The following CDKAL1 variants were observed in gnomAD, a reference collection of about 807,000 sequenced individuals.
CDKAL1 encodes the protein CDKAL1 threonylcarbamoyladenosine tRNA methylthiotransferase, also known as threonylcarbamoyladenosine tRNA methylthiotransferase.
A neutral mutation model predicts 68.2 loss-of-function variants in CDKAL1; 32 were observed. The observed-to-expected ratio is 0.47, with a 90% CI of 0.35 to 0.63. The LOEUF is 0.63. CDKAL1 is among the 30% of genes least tolerant of loss of function. CDKAL1 has a pLI of 0.00. For missense variants in CDKAL1, 606 were observed against 696.7 expected (o/e 0.87, Z 1.47); for synonymous variants, 234 against 244.3 (o/e 0.96, Z 0.39).
At chr6:20,786,296 A>T (rs974466759) in intron 8 of CDKAL1, among the ~76,000 whole-genome samples, 1 of 152,166 alleles carries the variant, frequency 6.6e-6, no homozygotes, top group Admixed American at 6.6e-5. Context: ...TGAAAATTTC[A>T]GATTGTATAA....
At chr6:20,986,293 C>G (rs1056030437) in intron 10 of CDKAL1, among the ~76,000 whole-genome samples, 5 of 152,114 alleles carry the variant, frequency 3.3e-5, no homozygotes, top group African/African-American at 1.2e-4. Flanking sequence ...CTCAAACTCA[C>G]TAGATAGTAT....
At chr6:21,168,080 G>T (rs1457423019) in intron 13 of CDKAL1, among the ~76,000 whole-genome samples, 2 of 152,246 alleles carry the variant, frequency 1.3e-5, no homozygotes, top group Non-Finnish European at 2.9e-5. Context: ...GTCAAAGACT[G>T]CAGTTGACCA....
At chr6:20,706,015 T>G (rs994460594) in intron 5 of CDKAL1, among the ~76,000 whole-genome samples, 1 of 152,066 alleles carries the variant, frequency 6.6e-6, no homozygotes, top group African/African-American at 2.4e-5. Flanking sequence ...ATGGGTGCTG[T>G]GCTTATGATT....
chr6:20,655,105 A>G (rs1042997098), intron 5 of CDKAL1, among the ~76,000 whole-genome samples: 4 of 152,216 alleles, frequency 2.6e-5, no homozygotes, highest in Middle Eastern at 3.2e-3. Flanking sequence ...TTTTCTCCCA[A>G]TGTAGATATT....
chr6:20,824,857 G>A (rs1221040532), intron 8 of CDKAL1, among the ~76,000 whole-genome samples: 1 of 152,124 alleles, frequency 6.6e-6, no homozygotes, highest in Admixed American at 6.6e-5. Flanking sequence ...AGAGCTATCT[G>A]TATAGAAGTG....
chr6:20,606,616 G>A (rs1040711849), intron 4 of CDKAL1, among the ~76,000 whole-genome samples: 5 of 152,178 alleles, frequency 3.3e-5, no homozygotes, highest in African/African-American at 1.2e-4. Context: ...CTTGTTTTAA[G>A]GATATGTTTC....
chr6:20,850,725 T>G (rs185278805), intron 9 of CDKAL1, among the ~76,000 whole-genome samples: 1 of 152,240 alleles, frequency 6.6e-6, no homozygotes, highest in Non-Finnish European at 1.5e-5. Context: ...GGTGTGATTA[T>G]GAGACATTTT....
At chr6:20,786,064 T>TA (rs1775658020) in intron 8 of CDKAL1, among the ~76,000 whole-genome samples, 1 of 151,914 alleles carries the variant, frequency 6.6e-6, no homozygotes, top group South Asian at 2.1e-4. Flanking sequence ...CTACTAAAAA[T>TA]ACAAAAATTA....
chr6:21,193,280 G>A (rs1334601074), intron 13 of CDKAL1, among the ~76,000 whole-genome samples: 1 of 152,140 alleles, frequency 6.6e-6, no homozygotes. Flanking sequence ...GCAGAGGGCT[G>A]TAAGCATACA....
rs140561081 is a variant in CDKAL1 at position 21,163,407 on chromosome 6, C to T, written c.1300-34614C>T. 3.2e-3 allele frequency among the ~76,000 whole-genome samples: 491 copies of T among 152,260 alleles called. 1 individual carries two copies. Among genetic ancestry groups the T allele is most frequent in the African/African-American group, 0.011 (465 of 41,552 alleles). On this transcript the variant is annotated intron_variant, in intron 13 of 15. Coordinates refer to ENST00000274695, the MANE Select transcript of CDKAL1 (RefSeq NM_017774.3). ...CAAAACAAACACCCGCTTGGGGCCA[C>T]CGGCAGAACCCACCGTGGTTTGGGA...
intron 4 of CDKAL1, among the ~76,000 whole-genome samples, chr6:20,553,730 C>T (rs930462680): frequency 1.3e-5 from 2 of 152,182 alleles, no homozygotes; most frequent in African/African-American, 4.8e-5. Flanking sequence ...CCTGCCTCGG[C>T]CTCCGGAGTA....
intron 10 of CDKAL1, among the ~76,000 whole-genome samples, chr6:20,989,637 G>A (rs1581975973): frequency 6.6e-6 from 1 of 152,148 alleles, no homozygotes; most frequent in South Asian, 2.1e-4. Context: ...CTATTGATTC[G>A]TTCTGTTGGT....
intron 9 of CDKAL1, among the ~76,000 whole-genome samples, chr6:20,929,054 C>T (rs1442851904): frequency 2.0e-5 from 3 of 152,196 alleles, no homozygotes; most frequent in African/African-American, 7.2e-5. Flanking sequence ...CATTACCCGC[C>T]TCCCTGCAGT....
chr6:21,106,033 T>G (rs1773827141), intron 12 of CDKAL1, among the ~76,000 whole-genome samples: 4 of 152,190 alleles, frequency 2.6e-5, no homozygotes. Flanking sequence ...GACAAATTGA[T>G]GCAATATTTG....
At chr6:20,627,974 G>A (rs1003647322) in intron 4 of CDKAL1, among the ~76,000 whole-genome samples, 1 of 152,036 alleles carries the variant, frequency 6.6e-6, no homozygotes, top group Non-Finnish European at 1.5e-5. Context: ...TATTCTAGGA[G>A]TTTTTTGTTG....
At chr6:20,712,526 TGAAAAGAAAAGAAAATTTAAAAAAA>T (rs1346830586) in intron 5 of CDKAL1, among the ~76,000 whole-genome samples, 2 of 143,300 alleles carry the variant, frequency 1.4e-5, no homozygotes, top group Non-Finnish European at 3.1e-5. Flanking sequence ...AGAAGTGAAA[TGAAAAGAAAAGAAAATTTAAAAAAA>T]GAAAAGAAAA....
intron 9 of CDKAL1, among the ~76,000 whole-genome samples, chr6:20,906,915 C>A (rs1469785884): frequency 6.6e-6 from 1 of 152,016 alleles, no homozygotes; most frequent in African/African-American, 2.4e-5. Flanking sequence ...GAGAAAAGAG[C>A]CAGTCACAAA....
chr6:21,068,167 A>G (rs1343036807), intron 12 of CDKAL1, among the ~76,000 whole-genome samples: 1 of 151,846 alleles, frequency 6.6e-6, no homozygotes, highest in East Asian at 1.9e-4. Flanking sequence ...TCTGTAACCT[A>G]CCTTTTCTCT....
intron 4 of CDKAL1, among the ~76,000 whole-genome samples, chr6:20,595,287 C>G (rs1284539540): frequency 1.3e-5 from 2 of 152,130 alleles, no homozygotes; most frequent in Non-Finnish European, 1.5e-5. Context: ...TTCCATTCTC[C>G]CCATCACTTT....
Sources: allele counts gnomAD v4.1 joint callset (sites outside exome capture counted in the v4.1 genomes callset), GRCh38; gene constraint gnomAD v4.1.1; transcripts MANE v1.5; gene names NCBI Gene and HGNC (gene_info 2026-07-23, HGNC 2026-07-21).